Variants in PSD3 observed in about 807,000 individuals in gnomAD.
PSD3 encodes pleckstrin and Sec7 domain containing 3, also known as PH and SEC7 domain-containing protein 3.
In PSD3, 49 loss-of-function variants were observed where a neutral mutation model predicts 105.5. The ratio of observed to expected loss-of-function variants is 0.46; its 90% CI spans 0.37 to 0.59. The LOEUF is 0.59. PSD3 is among the 20% of genes least tolerant of loss of function. The pLI is 0.00. For missense variants in PSD3, 1,561 were observed against 1,263.8 expected, an observed-to-expected ratio of 1.24 and a Z score of -3.57; for synonymous variants, 557 against 457.8, an observed-to-expected ratio of 1.22 and a Z score of -2.77.
intron 4 of PSD3, among the ~76,000 whole-genome samples, chr8:18,835,388 G>T (rs7007416): frequency 0.015 from 2,320 of 152,196 alleles, 58 homozygotes; most frequent in African/African-American, 0.053. Context: ...CTATTATTAA[G>T]TCAGGTCATG....
At chr8:18,622,349 C>T (rs1487267685) in intron 11 of PSD3, among the ~76,000 whole-genome samples, 1 of 152,176 alleles carries the variant, frequency 6.6e-6, no homozygotes, top group East Asian at 1.9e-4. Flanking sequence ...AATTACTTCT[C>T]CGAGTCGTTA....
At chr8:18,694,337 G>A (rs1320315107) in intron 9 of PSD3, among the ~76,000 whole-genome samples, 2 of 152,200 alleles carry the variant, frequency 1.3e-5, no homozygotes, top group Non-Finnish European at 2.9e-5. Context: ...CCAGCCAGGC[G>A]CGGTGGCGCA....
chr8:18,621,409 G>GA (rs1459332740), intron 11 of PSD3, among the ~76,000 whole-genome samples: 1 of 152,088 alleles, frequency 6.6e-6, no homozygotes, highest in South Asian at 2.1e-4. Context: ...CACCGTCTCA[G>GA]AAAAAAGACT....
At chr8:19,034,319 C>T (rs2048087) in intron 1 of PSD3, among the ~76,000 whole-genome samples, 1 of 151,946 alleles carries the variant, frequency 6.6e-6, no homozygotes, top group African/African-American at 2.4e-5. Flanking sequence ...AAGGATTAAA[C>T]TAGACGTCCT....
chr8:18,614,026 T>G (rs1421155432), intron 11 of PSD3, among the ~76,000 whole-genome samples: 5 of 152,254 alleles, frequency 3.3e-5, no homozygotes, highest in Non-Finnish European at 7.3e-5. Flanking sequence ...CAGCCAAATC[T>G]GTGTCTCCTG....
intron 9 of PSD3, among the ~76,000 whole-genome samples, chr8:18,664,934 T>C (rs1799360763): frequency 6.6e-6 from 1 of 152,222 alleles, no homozygotes; most frequent in Non-Finnish European, 1.5e-5. Flanking sequence ...TAAATATTTT[T>C]AGTCCATTGT....
At chr8:18,807,946 T>C (rs1221556124) in intron 4 of PSD3, among the ~76,000 whole-genome samples, 1 of 152,096 alleles carries the variant, frequency 6.6e-6, no homozygotes, top group Non-Finnish European at 1.5e-5. Flanking sequence ...GTCTATGATG[T>C]AAACATTTTT....
chr8:19,001,381 C>T (rs1482836689), intron 1 of PSD3, among the ~76,000 whole-genome samples: 2 of 151,124 alleles, frequency 1.3e-5, no homozygotes, highest in South Asian at 2.1e-4. Flanking sequence ...ATTTTCGATA[C>T]ACCTCCTGCC....
chr8:18,876,565 C>CT (rs533126567), intron 2 of PSD3, among the ~76,000 whole-genome samples: 1,528 of 151,002 alleles, frequency 0.01, 32 homozygotes, highest in African/African-American at 0.036. Flanking sequence ...GCTAATTTTT[C>CT]TTTTTTTTTC....
intron 3 of PSD3, among the ~76,000 whole-genome samples, chr8:18,871,309 G>A (rs9325844): frequency 0.028 from 4,285 of 152,224 alleles, 190 homozygotes; most frequent in African/African-American, 0.098. Context: ...TTACCTTGAC[G>A]TTGGGAAACT....
chr8:19,042,091 T>A (rs543153363), intron 1 of PSD3, among the ~76,000 whole-genome samples: 44 of 152,318 alleles, frequency 2.9e-4, no homozygotes, highest in African/African-American at 1.0e-3. Context: ...TGTGTTTATA[T>A]GGGAACAAAA....
chr8:18,562,189 G>T (rs984118322), intron 14 of PSD3, among the ~76,000 whole-genome samples: 7 of 152,274 alleles, frequency 4.6e-5, no homozygotes, highest in Middle Eastern at 3.4e-3. Context: ...AGAGGGAACA[G>T]CCACAGTGGC....
At chr8:18,798,047 A>G (rs1254552868) in intron 8 of PSD3, among the ~76,000 whole-genome samples, 1 of 152,146 alleles carries the variant, frequency 6.6e-6, no homozygotes, top group African/African-American at 2.4e-5. Context: ...AGTAACACGA[A>G]AAAAGTGGTC....
At chr8:18,851,240 G>A (rs1487483010) in intron 4 of PSD3, among the ~76,000 whole-genome samples, 1 of 152,212 alleles carries the variant, frequency 6.6e-6, no homozygotes, top group African/African-American at 2.4e-5. Context: ...TGAGGACCAA[G>A]GAAGTCTTAC....
intron 1 of PSD3, among the ~76,000 whole-genome samples, chr8:18,952,235 C>G (rs1823284742): frequency 6.6e-6 from 1 of 152,190 alleles, no homozygotes; most frequent in Admixed American, 6.5e-5. Context: ...GGTCAATGAT[C>G]TCCAGAACTT....
chr8:18,741,239 C>G (rs1804547876), intron 9 of PSD3, among the ~76,000 whole-genome samples: 1 of 152,144 alleles, frequency 6.6e-6, no homozygotes, highest in Non-Finnish European at 1.5e-5. Context: ...TCATTTCCTC[C>G]TGTAACAACT....
At chr8:18,872,820 C>T (rs142643713) in intron 2 of PSD3, 87 bp from the exon 3 acceptor site, 3 of 1,257,668 alleles carry the variant, frequency 2.4e-6, no homozygotes, top group South Asian at 1.5e-5. Context: ...AGATTAGGCA[C>T]TCAATAATAC....
At chr8:19,040,661 C>T (rs764455861) in intron 1 of PSD3, among the ~76,000 whole-genome samples, 14 of 152,186 alleles carry the variant, frequency 9.2e-5, no homozygotes, top group African/African-American at 2.2e-4. Context: ...AGACTGCTTA[C>T]GATTCAGAAT....
chr8:19,059,873 C>T (rs566539662), intron 1 of PSD3, among the ~76,000 whole-genome samples: 14 of 152,334 alleles, frequency 9.2e-5, no homozygotes, highest in South Asian at 8.3e-4. Context: ...CTACCAGGCT[C>T]TGTCTTCTAT....
Sources: allele counts gnomAD v4.1 joint callset (sites outside exome capture counted in the v4.1 genomes callset), GRCh38; gene constraint gnomAD v4.1.1; transcripts MANE v1.5; gene names NCBI Gene and HGNC (gene_info 2026-07-23, HGNC 2026-07-21).